The following PCDHGB3 variants were observed in gnomAD, a reference collection of about 807,000 sequenced individuals.
PCDHGB3 encodes the protein protocadherin gamma-B3.
PCDHGB3 carries 40 observed loss-of-function variants against 59.2 expected under a neutral mutation model. The observed-to-expected ratio is 0.68, with a 90% CI of 0.52 to 0.88. The LOEUF is 0.88. PCDHGB3 is among the 40% of genes least tolerant of loss of function. The probability of loss-of-function intolerance (pLI) is 0.00; values close to 1 mark genes in which losing one functional copy is unlikely to be tolerated. For synonymous variants in PCDHGB3, 581 were observed against 503.6 expected, an observed-to-expected ratio of 1.15 and a Z score of -2.06; for missense variants, 1,309 against 1,187.9, an observed-to-expected ratio of 1.10 and a Z score of -1.50.
intron 1 of PCDHGB3, among the ~76,000 whole-genome samples, chr5:141,387,483 C>G (rs771352001): frequency 6.6e-6 from 1 of 152,204 alleles, no homozygotes; most frequent in Non-Finnish European, 1.5e-5. Flanking sequence ...GGGATGAAGG[C>G]ATTCCTAAGA....
intron 1 of PCDHGB3, among the ~76,000 whole-genome samples, chr5:141,453,823 G>A (rs2154564414): frequency 6.6e-6 from 1 of 152,250 alleles, no homozygotes; most frequent in South Asian, 2.1e-4. Flanking sequence ...GACAAACTTG[G>A]CTGCTAGCCC....
chr5:141,433,236 C>G, intron 1 of PCDHGB3: 2 of 1,501,160 alleles, frequency 1.3e-6, no homozygotes, highest in South Asian at 1.3e-5. Flanking sequence ...CTCTGTCTCC[C>G]AAGCTGGAAT....
In PCDHGB3 at chr5:141,491,803, C is replaced by T. The variant is rs2099730932; in HGVS notation, c.2416-3004C>T. ...CTTGCATCCACTCCTCTCCGGCCGG[C>T]TTGGTCGCTGGCTGCGCTCCACCCG... On this transcript the variant is annotated intron_variant, in intron 1 of 3. Transcript: ENST00000576222. This position sits in a 1 kb window ranked among gnomAD's most constrained non-coding sequence, Gnocchi z 6.9. 1 of 1,497,820 alleles carries T rather than the reference C, an allele frequency of 6.7e-7. No individual in the cohort carries two copies. Among genetic ancestry groups the T allele is most frequent in the Non-Finnish European group, 8.9e-7 (1 of 1,124,124 alleles). 92.8% of individuals were successfully genotyped at this position (1,497,820 alleles called of 1,614,324 possible).
At chr5:141,377,317 T>C (rs1355098405) in intron 1 of PCDHGB3, 3 of 152,140 alleles carry the variant, frequency 2.0e-5, no homozygotes, top group African/African-American at 7.2e-5. Context: ...GATCAAGATC[T>C]TGGTTTTAGC....
chr5:141,504,379 G>A lies in PCDHGB3; in HGVS notation c.2475-1014G>A, dbSNP rs181617363. On this transcript the variant is annotated intron_variant, in intron 2 of 3. Transcript: ENST00000576222. ...GCTTCAGTAGGAAGCAGGTGGAGTC[G>A]CTGCCTCACAGAAGCCAGTGTGGTG... Among the ~76,000 whole-genome samples the A allele has an allele frequency of 2.4e-3, 361 of 152,206 alleles. 1 individual carries two copies. The highest frequency in any genetic ancestry group is 0.021 in the Admixed American group (315 of 15,286).
intron 1 of PCDHGB3, chr5:141,390,447 G>A: frequency 1.2e-6 from 1 of 843,848 alleles, no homozygotes; most frequent in Non-Finnish European, 1.8e-6. Flanking sequence ...TACAAAGGAG[G>A]AGTAAAGTAG....
At chr5:141,505,983 C>G (rs1235662535) in intron 3 of PCDHGB3, among the ~76,000 whole-genome samples, 1 of 152,148 alleles carries the variant, frequency 6.6e-6, no homozygotes, top group Non-Finnish European at 1.5e-5. Context: ...GAGAGAACAC[C>G]TCCTCTTTAT....
In PCDHGB3 at chr5:141,398,855, A is replaced by G. The variant is rs1376506270; in HGVS notation, c.2415+26046A>G. ...GCCAATGATAATCCCCCGGTATTCA[A>G]CCGAGACGTGTACAGAGTCAGCCTT... On this transcript the variant is annotated intron_variant, in intron 1 of 3. Coordinates refer to ENST00000576222, the MANE Select transcript of PCDHGB3 (RefSeq NM_018924.5). 2.5e-6 allele frequency: 4 copies of G among 1,613,852 alleles called. No individual in the cohort carries two copies. The African/African-American group carries it at 5.3e-5, about 22-fold the overall frequency.
chr5:141,432,632 G>A lies in PCDHGB3; in HGVS notation c.2415+59823G>A. 3.7e-6 allele frequency: 6 copies of A among 1,612,834 alleles called. No individual in the cohort carries two copies. The highest frequency in any genetic ancestry group is 5.1e-6 in the Non-Finnish European group (6 of 1,179,706). On this transcript the variant is annotated intron_variant, in intron 1 of 3. Coordinates refer to ENST00000576222, the MANE Select transcript of PCDHGB3 (RefSeq NM_018924.5). The surrounding 1 kb of genome is among the most constrained non-coding windows in gnomAD (Gnocchi z 6.0). ...CTTCTCGGTGGGTCTGCACACGGGC[G>A]AGGTGCGCACGGCGCGAGCCCTGCT...
At chr5:141,401,059 G>T (rs1418485253) in intron 1 of PCDHGB3, among the ~76,000 whole-genome samples, 2 of 152,082 alleles carry the variant, frequency 1.3e-5, no homozygotes, top group Non-Finnish European at 2.9e-5. Flanking sequence ...AATACTATAT[G>T]TTGGCTGGGT....
Position 141,421,262 on chromosome 5 carries a change from G to GGCTGCT in PCDHGB3, c.2415+48464_2415+48469dup, listed in dbSNP as rs748368476. 11 of 1,609,598 alleles carry GGCTGCT rather than the reference G, an allele frequency of 6.8e-6. No individual in the cohort carries two copies. The Admixed American group carries it at 8.4e-5, about 12-fold the overall frequency. ...CGGCTACAGCGCGGGGACCGCAGTC[G>GGCTGCT]GCTGCTGCTGCTGCTGTGCATTTTC... is the stretch of plus-strand genomic sequence containing the variant. On this transcript the variant is annotated intron_variant, in intron 1 of 3. Coordinates refer to ENST00000576222, the MANE Select transcript of PCDHGB3 (RefSeq NM_018924.5).
At chr5:141,437,445 T>C (rs187869679) in intron 1 of PCDHGB3, among the ~76,000 whole-genome samples, 1 of 152,348 alleles carries the variant, frequency 6.6e-6, no homozygotes, top group East Asian at 1.9e-4. Flanking sequence ...CATAGGAATG[T>C]TGAGGAGACT....
Position 141,490,192 on chromosome 5 carries a change from A to C in PCDHGB3, c.2416-4615A>C. 1 of 1,614,182 alleles carries C rather than the reference A, an allele frequency of 6.2e-7. No homozygotes were observed. Among genetic ancestry groups the C allele is most frequent in the South Asian group, 1.1e-5 (1 of 91,082 alleles). On this transcript the variant is annotated intron_variant, in intron 1 of 3. Coordinates refer to ENST00000576222, the MANE Select transcript of PCDHGB3 (RefSeq NM_018924.5). The surrounding 1 kb of genome is among the most constrained non-coding windows in gnomAD (Gnocchi z 5.4). Reference sequence around the variant, plus strand: ...CTTTGAGGAGTCACGTTTCTATGAAATTCATGCAAGAGCCCGTGACCAGGG... The same window carrying C: ...CTTTGAGGAGTCACGTTTCTATGAACTTCATGCAAGAGCCCGTGACCAGGG...
chr5:141,430,795 G>T (rs918154748), intron 1 of PCDHGB3: 7 of 1,522,458 alleles, frequency 4.6e-6, no homozygotes, highest in Non-Finnish European at 6.2e-6. Flanking sequence ...ACTACAAAGG[G>T]CTTGTCCTGC....
chr5:141,457,058 T>A (rs756862311), intron 1 of PCDHGB3, among the ~76,000 whole-genome samples: 2 of 152,230 alleles, frequency 1.3e-5, no homozygotes, highest in Non-Finnish European at 2.9e-5. Flanking sequence ...TCATGCTTCC[T>A]TTTTGCCAGT....
Position 141,485,151 on chromosome 5 carries a change from T to C in PCDHGB3, c.2416-9656T>C, listed in dbSNP as rs1191585056. 1.0e-5 allele frequency: 16 copies of C among 1,584,876 alleles called. No homozygotes were observed. Among genetic ancestry groups the C allele is most frequent in the Non-Finnish European group, 1.3e-5 (15 of 1,156,528 alleles). On this transcript the variant is annotated intron_variant, in intron 1 of 3. Coordinates refer to ENST00000576222, the MANE Select transcript of PCDHGB3 (RefSeq NM_018924.5). This position sits in a 1 kb window ranked among gnomAD's most constrained non-coding sequence, Gnocchi z 5.7. ...GCTTCATCCGCGTCTCAGGAGCAAG[T>C]AGAGAATTAGCGGGCGGCAGCAATG...
At chr5:141,427,006 G>C (rs1288837425) in intron 1 of PCDHGB3, 3 of 456,792 alleles carry the variant, frequency 6.6e-6, no homozygotes, top group South Asian at 3.1e-5. Flanking sequence ...CCAGTTTTTA[G>C]CCAGGATGTA....
intron 1 of PCDHGB3, among the ~76,000 whole-genome samples, chr5:141,492,798 C>T (rs1219815576): frequency 6.6e-6 from 1 of 152,250 alleles, no homozygotes; most frequent in Non-Finnish European, 1.5e-5. Flanking sequence ...GACAGCAGGA[C>T]TGGGACTCCA....
Position 141,371,207 on chromosome 5 carries a change from G to A in PCDHGB3, c.813G>A (p.Glu271=). 1 of 1,613,764 alleles carries A rather than the reference G, an allele frequency of 6.2e-7. No homozygotes were observed. Among genetic ancestry groups the A allele is most frequent in the African/African-American group, 1.3e-5 (1 of 75,060 alleles). The part of the protein sequence containing the change: ...VLKVMAIDMD[E]GINAEIIYAF... ...AAGTGATGGCCATTGACATGGATGA[G>A]GGCATCAATGCCGAAATCATCTATG... is the stretch of plus-strand genomic sequence containing the variant. The change falls in exon 1 of 4, where the codon GAG becomes GAA. Residue 271 remains glutamate, a synonymous_variant. Coordinates refer to ENST00000576222, the MANE Select transcript of PCDHGB3 (RefSeq NM_018924.5).
Sources: allele counts gnomAD v4.1 joint callset (sites outside exome capture counted in the v4.1 genomes callset), GRCh38; gene constraint gnomAD v4.1.1; non-coding constraint Gnocchi (gnomAD v3.1); transcripts MANE v1.5; gene names NCBI Gene and HGNC (gene_info 2026-07-23, HGNC 2026-07-21).